MDGA2: variants seen among roughly 807,000 people sequenced by gnomAD.
MDGA2 encodes MAM domain containing glycosylphosphatidylinositol anchor 2, also known as MAM domain-containing glycosylphosphatidylinositol anchor protein 2.
In MDGA2, 40 loss-of-function variants were observed where a neutral mutation model predicts 117.8. That is an observed-to-expected ratio of 0.34 (90% CI 0.26 to 0.44). The LOEUF is 0.44. MDGA2 is among the 20% of genes least tolerant of loss of function. MDGA2 has a pLI of 1.00. For missense variants in MDGA2, 1,123 were observed against 1,250.6 expected (o/e 0.90, Z 1.54); for synonymous variants, 452 against 439.0 (o/e 1.03, Z -0.37).
Position 47,256,883 on chromosome 14 carries a change from A to C in MDGA2, c.421-38688T>G, listed in dbSNP as rs531894812. Among the ~76,000 whole-genome samples, 563 of 152,032 alleles carry C rather than the reference A, an allele frequency of 3.7e-3. 3 individuals carry two copies. Among genetic ancestry groups the C allele is most frequent in the Non-Finnish European group, 6.5e-3 (444 of 67,958 alleles). ...GAGGGAGAGAGAAAGGAAGAAAGAAAAGAAAGAAAAAAGAAGGAAAGAAAG... is the reference window on the plus strand; with the variant it reads ...GAGGGAGAGAGAAAGGAAGAAAGAACAGAAAGAAAAAAGAAGGAAAGAAAG... On this transcript the variant is annotated intron_variant, in intron 2 of 16. Transcript: ENST00000399232.
In MDGA2 at chr14:47,073,038, A is replaced by C. The variant is rs368858888; in HGVS notation, c.1196-11460T>G. Among the ~76,000 whole-genome samples the C allele has an allele frequency of 7.2e-5, 11 of 152,306 alleles. No individual in the cohort carries two copies. The East Asian group carries it at 1.5e-3, about 21-fold the overall frequency. On this transcript the variant is annotated intron_variant, in intron 6 of 16. Transcript: ENST00000399232. ...TTCCACATGGCCAAAGCTTGAGAAA[A>C]GTTTCACAAAAACACTTATTATTTC... is the stretch of plus-strand genomic sequence containing the variant.
intron 10 of MDGA2, among the ~76,000 whole-genome samples, chr14:46,914,492 A>C (rs1883827060): frequency 6.6e-6 from 1 of 152,040 alleles, no homozygotes; most frequent in South Asian, 2.1e-4. Flanking sequence ...AAATTGTGTA[A>C]GTCAATACTG....
chr14:46,881,513 T>C (rs894244629), intron 11 of MDGA2, among the ~76,000 whole-genome samples: 1 of 152,130 alleles, frequency 6.6e-6, no homozygotes, highest in African/African-American at 2.4e-5. Context: ...TTAATAATAA[T>C]TTCTTAGTAG....
chr14:47,667,227 G>T (rs1255976312), intron 1 of MDGA2, among the ~76,000 whole-genome samples: 1 of 152,124 alleles, frequency 6.6e-6, no homozygotes, highest in Non-Finnish European at 1.5e-5. Context: ...ATTCAAACTG[G>T]TCACCACTTC....
intron 1 of MDGA2, among the ~76,000 whole-genome samples, chr14:47,509,737 C>T (rs773372702): frequency 1.3e-5 from 2 of 152,238 alleles, no homozygotes; most frequent in African/African-American, 2.4e-5. Flanking sequence ...ATTACGTCTT[C>T]TTTTCTCTAT....
At chr14:47,379,285 G>A (rs1453467103) in intron 1 of MDGA2, among the ~76,000 whole-genome samples, 1 of 152,170 alleles carries the variant, frequency 6.6e-6, no homozygotes, top group African/African-American at 2.4e-5. Flanking sequence ...GACCATCGAT[G>A]CTAGGAAGAA....
At chr14:47,361,332 G>A (rs949673372) in intron 1 of MDGA2, among the ~76,000 whole-genome samples, 1 of 151,874 alleles carries the variant, frequency 6.6e-6, no homozygotes, top group Non-Finnish European at 1.5e-5. Flanking sequence ...GCAAGCGAAG[G>A]AGAGAGGCCT....
chr14:46,846,714 T>C (rs895808695), intron 15 of MDGA2, among the ~76,000 whole-genome samples: 12 of 152,270 alleles, frequency 7.9e-5, no homozygotes, highest in African/African-American at 2.9e-4. Context: ...TTCCTTGCTT[T>C]CAGCAAAACT....
At chr14:47,271,485 G>A (rs186846303) in intron 2 of MDGA2, among the ~76,000 whole-genome samples, 18 of 152,272 alleles carry the variant, frequency 1.2e-4, no homozygotes, top group Admixed American at 1.2e-3. Context: ...AGCAGAGAAT[G>A]AGAATTGCGT....
At chr14:47,172,020 A>G (rs1282252059) in intron 3 of MDGA2, among the ~76,000 whole-genome samples, 2 of 152,170 alleles carry the variant, frequency 1.3e-5, no homozygotes, top group African/African-American at 2.4e-5. Context: ...ACAGGGTCCT[A>G]TGCCCACTGA....
intron 5 of MDGA2, among the ~76,000 whole-genome samples, chr14:47,107,136 A>T (rs566897992): frequency 1.3e-5 from 2 of 150,014 alleles, no homozygotes; most frequent in African/African-American, 4.9e-5. Flanking sequence ...TTACCATCTC[A>T]TTAAAACCTA....
chr14:47,101,170 C>T (rs896785844), intron 5 of MDGA2, among the ~76,000 whole-genome samples: 1 of 150,100 alleles, frequency 6.7e-6, no homozygotes, highest in African/African-American at 2.5e-5. Context: ...ATAGTGATTT[C>T]GAATGACAAG....
chr14:47,529,201 G>A lies in MDGA2; in HGVS notation c.280+145316C>T, dbSNP rs527804441. On this transcript the variant is annotated intron_variant, in intron 1 of 16. Coordinates refer to ENST00000399232, the MANE Select transcript of MDGA2 (RefSeq NM_001113498.3). ...ACAAACTTTTTTATAAACTACATCT[G>A]CAATAAAGCTCATTGGTGCATAACT... 2.4e-3 allele frequency among the ~76,000 whole-genome samples: 360 copies of A among 151,934 alleles called. 2 individuals carry two copies. The highest frequency in any genetic ancestry group is 8.4e-3 in the African/African-American group (350 of 41,460).
At chr14:47,620,640 A>G (rs1014717567) in intron 1 of MDGA2, among the ~76,000 whole-genome samples, 2 of 152,204 alleles carry the variant, frequency 1.3e-5, no homozygotes, top group Non-Finnish European at 2.9e-5. Flanking sequence ...TAGCTTATAC[A>G]CTGCCCTTCA....
At position 46,865,667 on chromosome 14, in the gene MDGA2, G is replaced by T. The variant is rs529341167; in HGVS notation, c.2752+7766C>A. Among the ~76,000 whole-genome samples the T allele has an allele frequency of 2.0e-4, 31 of 151,880 alleles. No individual in the cohort carries two copies. In the East Asian group the frequency reaches 4.3e-3, roughly 21 times the overall value. ...CCATTGTCTCAGCCCAAAATCTCCT[G>T]AAGCTGATAAGCAACTTCAGCAAAG... On this transcript the variant is annotated intron_variant, in intron 14 of 16. Coordinates refer to ENST00000399232, the MANE Select transcript of MDGA2 (RefSeq NM_001113498.3).
At chr14:47,059,385 G>C in intron 7 of MDGA2, 6 of 1,134,414 alleles carry the variant, frequency 5.3e-6, no homozygotes, top group African/African-American at 1.6e-5. Context: ...TGTTACCTTG[G>C]GTAGCCAGGC....
intron 8 of MDGA2, among the ~76,000 whole-genome samples, chr14:47,029,766 A>G (rs1187558896): frequency 6.6e-6 from 1 of 152,160 alleles, no homozygotes; most frequent in Non-Finnish European, 1.5e-5. Context: ...TATATAATAC[A>G]GATATAAAAA....
At chr14:47,096,128 G>C (rs1879953354) in intron 6 of MDGA2, among the ~76,000 whole-genome samples, 7 of 151,910 alleles carry the variant, frequency 4.6e-5, no homozygotes, top group Admixed American at 4.6e-4. Flanking sequence ...TTGCTACTTT[G>C]ACTTAGTGAC....
At chr14:47,528,734 A>G (rs1895026519) in intron 1 of MDGA2, among the ~76,000 whole-genome samples, 1 of 152,158 alleles carries the variant, frequency 6.6e-6, no homozygotes, top group South Asian at 2.1e-4. Flanking sequence ...TTTTAGACCA[A>G]ATTGATCAAA....
Sources: gnomAD v4.1 joint callset for allele counts (sites outside exome capture counted in the v4.1 genomes callset) on GRCh38, gnomAD v4.1.1 for gene constraint, MANE v1.5 for transcripts, NCBI Gene and HGNC (gene_info 2026-07-23, HGNC 2026-07-21) for gene names.